The following NDUFS7 variants were observed in gnomAD, a reference collection of about 807,000 sequenced individuals.
NDUFS7 encodes NADH dehydrogenase [ubiquinone] iron-sulfur protein 7, mitochondrial.
A neutral mutation model predicts 31.1 loss-of-function variants in NDUFS7; 11 were observed. The observed-to-expected ratio is 0.35, with a 90% CI of 0.22 to 0.59. NDUFS7 has a LOEUF of 0.59. Among genes scored for constraint, NDUFS7 ranks in the 20% least tolerant of loss-of-function variants. NDUFS7 has a pLI of 0.79. For synonymous variants in NDUFS7, 136 were observed against 127.9 expected, an observed-to-expected ratio of 1.06 and a Z score of -0.43; for missense variants, 263 against 324.2, an observed-to-expected ratio of 0.81 and a Z score of 1.45.
intron 2 of NDUFS7, 185 bp downstream of exon 2, chr19:1,388,032 A>C (rs1301232236): frequency 2.9e-6 from 2 of 680,158 alleles, no homozygotes; most frequent in African/African-American, 3.5e-5. Flanking sequence ...GGGACAGTCC[A>C]CGCAGTGGCA....
intron 1 of NDUFS7, chr19:1,387,150 G>A (rs148597680): frequency 1.0e-3 from 156 of 155,550 alleles, no homozygotes; most frequent in Non-Finnish European, 1.7e-3. Context: ...CCCGCTTAGC[G>A]GACTGCAGAT....
In NDUFS7 at chr19:1,393,560, G is replaced by C. The variant is rs1304891901; in HGVS notation, c.544+230G>C. 1.5e-6 allele frequency: 1 copy of C among 651,468 alleles called. No homozygotes were observed. The highest frequency in any genetic ancestry group is 2.2e-5 in the Admixed American group (1 of 45,602). The allele number at this position is 651,468 out of a possible 1,614,324, so 40.4% of individuals were successfully genotyped here. On this transcript the variant is annotated intron_variant, in intron 7 of 7. Transcript: ENST00000233627. This position sits in a 1 kb window ranked among gnomAD's most constrained non-coding sequence, Gnocchi z 7.3. Reference sequence around the variant, plus strand: ...CAGAGGGAGCAGGGGAAGCTGAGTGGAATTCCTGACACACGCCTGGTTTAC... The same window carrying C: ...CAGAGGGAGCAGGGGAAGCTGAGTGCAATTCCTGACACACGCCTGGTTTAC...
chr19:1,394,308 G>GAGGT, intron 7 of NDUFS7: 2 of 1,248,738 alleles, frequency 1.6e-6, no homozygotes, highest in Non-Finnish European at 1.0e-6. Flanking sequence ...ACAGCACAGA[G>GAGGT]AGGTCCATCC....
At chr19:1,388,773 C>T (rs2082527637) in intron 3 of NDUFS7, 60 bp from the exon 4 acceptor site, 1 of 1,524,170 alleles carries the variant, frequency 6.6e-7, no homozygotes, top group African/African-American at 1.4e-5. Context: ...GGGCTCGCAT[C>T]CGCCTCTGGG....
Position 1,395,507 on chromosome 19 carries a change from C to G in NDUFS7, c.*19C>G. ...CAGGTAGCGCCGCCGCCGCCGCCGC[C>G]GGAGCCTGTCGCCGTCCTGTCCCCA... On this transcript the variant is annotated 3_prime_UTR_variant, in exon 8 of 8. Coordinates refer to ENST00000233627, the MANE Select transcript of NDUFS7 (RefSeq NM_024407.5). 1 of 1,559,622 alleles carries G rather than the reference C, an allele frequency of 6.4e-7. No individual in the cohort carries two copies.
rs2144624298 is a variant in NDUFS7 at position 1,393,317 on chromosome 19, C to T, written c.531C>T (p.Asp177=). 1.3e-6 allele frequency: 2 copies of T among 1,581,214 alleles called. No homozygotes were observed. The highest frequency in any genetic ancestry group is 1.3e-5 in the African/African-American group (1 of 74,420). ...VRGCDRIVPV[D]IYIPGCPPTA... The stretch of plus-strand genomic sequence containing the variant: ...GCTGCGACCGCATCGTGCCCGTGGA[C>T]ATCTACATCCCAGGTAGGGCCGGGA... The change falls in exon 7 of 8, where the codon GAC becomes GAT. Residue 177 remains aspartate (D), a synonymous_variant. Transcript: ENST00000233627. The surrounding 1 kb of genome is among the most constrained non-coding windows in gnomAD (Gnocchi z 7.3).
At chr19:1,387,694 C>G in intron 1 of NDUFS7, 117 bp from the exon 2 acceptor site, 2 of 907,702 alleles carry the variant, frequency 2.2e-6, no homozygotes, top group African/African-American at 3.2e-5. Context: ...TTAAGTGGCA[C>G]TCGAGTTGGG....
intron 4 of NDUFS7, chr19:1,390,634 T>C: frequency 1.7e-6 from 1 of 594,194 alleles, no homozygotes; most frequent in Non-Finnish European, 3.0e-6. Flanking sequence ...AGGAACTATG[T>C]GATGAGGACA....
chr19:1,393,200 G>A lies in NDUFS7; in HGVS notation c.456-42G>A, dbSNP rs1414756395. ...GGCCTCGTGGAGGGAGGGTGGGCAG[G>A]CGGGTCTTCGGCACACTCCCCTCAC... is the stretch of plus-strand genomic sequence containing the variant. On this transcript the variant is annotated intron_variant, in intron 6 of 7. Transcript: ENST00000233627. The surrounding 1 kb of genome is among the most constrained non-coding windows in gnomAD (Gnocchi z 7.3). 6 of 1,507,058 alleles carry A rather than the reference G, an allele frequency of 4.0e-6. No individual in the cohort carries two copies. The African/African-American group carries it at 4.2e-5, about 10-fold the overall frequency. The allele number at this position is 1,507,058 out of a possible 1,614,324, so 93.4% of individuals were successfully genotyped here. A position where few individuals can be genotyped will look rare whatever the true frequency, so the allele number is the denominator to read the frequency against.
chr19:1,393,185 AG>A lies in NDUFS7; in HGVS notation c.456-54del. ...GTGGGGATGGGGCGAGGCCTCGTGG[AG>A]GGAGGGTGGGCAGGCGGGTCTTCGG... On this transcript the variant is annotated intron_variant, in intron 6 of 7. Coordinates refer to ENST00000233627, the MANE Select transcript of NDUFS7 (RefSeq NM_024407.5). This position sits in a 1 kb window ranked among gnomAD's most constrained non-coding sequence, Gnocchi z 7.3. 7.5e-7 allele frequency: 1 copy of A among 1,336,796 alleles called. No individual in the cohort carries two copies. 82.8% of individuals were successfully genotyped at this position (1,336,796 alleles called of 1,614,324 possible). A position where few individuals can be genotyped will look rare whatever the true frequency, so the allele number is the denominator to read the frequency against.
At chr19:1,389,067 A>G in intron 4 of NDUFS7, 129 bp downstream of exon 4, 1 of 800,060 alleles carries the variant, frequency 1.2e-6, no homozygotes, top group Non-Finnish European at 2.1e-6. Context: ...TCACATGCGC[A>G]CATGTGCATG....
At chr19:1,394,264 G>A (rs2082577104) in intron 7 of NDUFS7, 1 of 914,926 alleles carries the variant, frequency 1.1e-6, no homozygotes, top group Non-Finnish European at 1.5e-6. Flanking sequence ...CCCGGGGGCA[G>A]TGGAGAGGGC....
Position 1,394,509 on chromosome 19 carries a change from C to A in NDUFS7, c.545-882C>A, listed in dbSNP as rs1343722174. ...ACTGCGCTCCTCCCTCCTTGGGGAC[C>A]GTGCTCCTCCCTCCCTCCCTGCGGA... On this transcript the variant is annotated intron_variant, in intron 7 of 7. Transcript: ENST00000233627. The A allele has an allele frequency of 3.2e-6, 4 of 1,246,356 alleles. No homozygotes were observed. The East Asian group carries it at 2.7e-4, about 85-fold the overall frequency. The allele number at this position is 1,246,356 out of a possible 1,614,324, so 77.2% of individuals were successfully genotyped here. A position where few individuals can be genotyped will look rare whatever the true frequency, so the allele number is the denominator to read the frequency against.
intron 4 of NDUFS7, chr19:1,389,218 C>T: frequency 1.5e-6 from 1 of 674,240 alleles, no homozygotes; most frequent in Non-Finnish European, 2.7e-6. Context: ...TGCACACATA[C>T]ACACATGCAC....
chr19:1,393,164 G>C lies in NDUFS7; in HGVS notation c.456-78G>C. 8.3e-7 allele frequency: 1 copy of C among 1,210,858 alleles called. No individual in the cohort carries two copies. The highest frequency in any genetic ancestry group is 2.6e-5 in the East Asian group (1 of 39,214). 75.0% of individuals were successfully genotyped at this position (1,210,858 alleles called of 1,614,324 possible). A position where few individuals can be genotyped will look rare whatever the true frequency, so the allele number is the denominator to read the frequency against. ...CTGGCCTGCAGTTGAAGGCGGGTGG[G>C]GATGGGGCGAGGCCTCGTGGAGGGA... is the stretch of plus-strand genomic sequence containing the variant. On this transcript the variant is annotated intron_variant, in intron 6 of 7. Coordinates refer to ENST00000233627, the MANE Select transcript of NDUFS7 (RefSeq NM_024407.5). This position sits in a 1 kb window ranked among gnomAD's most constrained non-coding sequence, Gnocchi z 7.3.
chr19:1,387,880 A>T, intron 2 of NDUFS7, 33 bp downstream of exon 2: 1 of 1,256,080 alleles, frequency 8.0e-7, no homozygotes, highest in Non-Finnish European at 1.0e-6. Flanking sequence ...CTCAGCTGGG[A>T]GGGGCCTTCA....
intron 1 of NDUFS7, 139 bp from the exon 2 acceptor site, chr19:1,387,672 A>G: frequency 2.7e-6 from 2 of 747,488 alleles, no homozygotes; most frequent in Non-Finnish European, 4.7e-6. Context: ...CCCCCTCGTT[A>G]CCTAACGTTT....
At chr19:1,389,309 AT>A in intron 4 of NDUFS7, 1 of 478,474 alleles carries the variant, frequency 2.1e-6, no homozygotes, top group South Asian at 1.6e-5. Flanking sequence ...ATGCACAGTC[AT>A]GCACACACAT....
chr19:1,389,258 TATACAC>T (rs1176532172), intron 4 of NDUFS7: 1 of 635,564 alleles, frequency 1.6e-6, no homozygotes. Context: ...CATGCGCACA[TATACAC>T]ATGCACACGC....
Sources: gnomAD v4.1 joint callset for allele counts on GRCh38, gnomAD v4.1.1 for gene constraint, Gnocchi (gnomAD v3.1) non-coding constraint, MANE v1.5 for transcripts, NCBI Gene and HGNC (gene_info 2026-07-23, HGNC 2026-07-21) for gene names.